TASOR2: variants seen among roughly 807,000 people sequenced by gnomAD.
TASOR2 encodes transcription activation suppressor family member 2, also known as protein TASOR 2.
In TASOR2, 84 loss-of-function variants were observed where a neutral mutation model predicts 199.5. That is an observed-to-expected ratio of 0.42 (90% CI 0.35 to 0.50). The LOEUF is 0.50. Ranked by LOEUF, TASOR2 falls within the 20% of genes least tolerant of loss-of-function variation. The pLI, the probability that TASOR2 is intolerant of heterozygous loss-of-function variation, is 0.02. For missense variants in TASOR2, 2,796 were observed against 2,835.9 expected, an observed-to-expected ratio of 0.99 and a Z score of 0.32; for synonymous variants, 1,103 against 1,046.6, an observed-to-expected ratio of 1.05 and a Z score of -1.04.
In TASOR2 at chr10:5,748,226, A is replaced by G. The variant is rs376161146; in HGVS notation, c.4805A>G (p.Asn1602Ser). Residue 1602 changes from asparagine to serine, a missense_variant, in exon 15 of 21, where the codon AAT (asparagine) becomes AGT (serine). Transcript: ENST00000328090. The surrounding 1 kb of genome is among the most constrained non-coding windows in gnomAD (Gnocchi z 5.1). The stretch of plus-strand genomic sequence containing the variant: ...ACAACTGCACCAAGTGGTATAGTGA[A>G]TGTGTCAGTAAAACAGCAGACTAGC... 1.7e-5 allele frequency: 28 copies of G among 1,614,096 alleles called. No individual in the cohort carries two copies. The highest frequency in any genetic ancestry group is 2.3e-5 in the Non-Finnish European group (27 of 1,180,048).
chr10:5,715,662 G>C (rs137950849), intron 2 of TASOR2, among the ~76,000 whole-genome samples: 3 of 151,730 alleles, frequency 2.0e-5, no homozygotes, highest in East Asian at 1.9e-4. Flanking sequence ...TTGGTGGCGG[G>C]GTACGGAGTT....
exon 15 of TASOR2, chr10:5,747,784 T>C (rs765803920): frequency 1.2e-6 from 2 of 1,613,996 alleles, no homozygotes; most frequent in Non-Finnish European, 1.7e-6. Context: ...AGAAAATGTT[T>C]TTGTTGGTCC....
intron 3 of TASOR2, 88 bp downstream of exon 4, chr10:5,717,838 T>C (rs2275772): frequency 0.045 from 21,307 of 472,406 alleles, 3,145 homozygotes; most frequent in East Asian, 0.44. Context: ...TAGTTGAACA[T>C]AGTTCTCACC....
chr10:5,698,279 G>C lies in TASOR2; in HGVS notation c.-288+13104G>C, dbSNP rs1490151024. ...GTCTCTGCTAGCTCATTGGTTGAGG[G>C]AAGATGAGAGATAGGAGAGTGAGGG... On this transcript the variant is annotated intron_variant, in intron 1 of 20. Coordinates refer to ENST00000328090, the Ensembl canonical transcript of TASOR2. This position sits in a 1 kb window ranked among gnomAD's most constrained non-coding sequence, Gnocchi z 4.4. 6.6e-6 allele frequency among the ~76,000 whole-genome samples: 1 copy of C among 152,202 alleles called. No homozygotes were observed. The highest frequency in any genetic ancestry group is 1.5e-5 in the Non-Finnish European group (1 of 68,034).
rs1326751469 is a variant in TASOR2, at chr10:5,742,209, G to A, written c.2440G>A (p.Val814Ile). ...CAAAATCATACGATCTTCCCGAAAG[G>A]TTGTAGAACACAGCAACCCAGCAAA... is the stretch of plus-strand genomic sequence containing the variant. Residue 814 changes from valine (V) to isoleucine (I), a missense_variant, in exon 14 of 21, where the codon GTT becomes ATT. By Grantham distance (29) the Val-to-Ile change is conservative (BLOSUM62 3). Coordinates refer to ENST00000328090, the Ensembl canonical transcript of TASOR2. The surrounding 1 kb of genome is among the most constrained non-coding windows in gnomAD (Gnocchi z 4.2). 2 of 1,614,016 alleles carry A rather than the reference G, an allele frequency of 1.2e-6. No individual in the cohort carries two copies. Among genetic ancestry groups the A allele is most frequent in the Admixed American group, 3.3e-5 (2 of 59,998 alleles).
In TASOR2 at chr10:5,710,238, G is replaced by A. The variant is rs1271485298; in HGVS notation, c.-287-2585G>A. Among the ~76,000 whole-genome samples, 1 of 152,108 alleles carries A rather than the reference G, an allele frequency of 6.6e-6. No individual in the cohort carries two copies. Among genetic ancestry groups the A allele is most frequent in the Non-Finnish European group, 1.5e-5 (1 of 67,974 alleles). ...AGGAAACTTGTGCTTTCTTGAGAGT[G>A]TAATTGATGTCATTATGAACCCATG... On this transcript the variant is annotated intron_variant, in intron 1 of 20. Coordinates refer to ENST00000328090, the Ensembl canonical transcript of TASOR2. This position sits in a 1 kb window ranked among gnomAD's most constrained non-coding sequence, Gnocchi z 4.6.
intron 14 of TASOR2, among the ~76,000 whole-genome samples, chr10:5,744,448 G>A (rs371096348): frequency 3.9e-5 from 6 of 152,144 alleles, no homozygotes; most frequent in East Asian, 3.9e-4. Context: ...GATTATAGGC[G>A]CCTGCCACCA....
chr10:5,749,303 C>G, exon 15 of TASOR2: 2 of 1,614,246 alleles, frequency 1.2e-6, no homozygotes, highest in Non-Finnish European at 1.7e-6. Context: ...AGCTCCTGGA[C>G]AAGCACTTGG....
chr10:5,736,261 A>T (rs1295461305), intron 12 of TASOR2, among the ~76,000 whole-genome samples: 8 of 152,184 alleles, frequency 5.3e-5, no homozygotes, highest in Non-Finnish European at 1.5e-5. Context: ...TCTACTAAAA[A>T]TACAAAATTA....
chr10:5,741,515 C>T (rs1474449244), intron 13 of TASOR2, among the ~76,000 whole-genome samples: 3 of 152,198 alleles, frequency 2.0e-5, no homozygotes, highest in African/African-American at 7.2e-5. Flanking sequence ...TATGGTACTC[C>T]AGCGATCTGC....
chr10:5,759,131 T>C, intron 18 of TASOR2, 139 bp downstream of exon 19: 1 of 629,218 alleles, frequency 1.6e-6, no homozygotes, highest in Non-Finnish European at 2.8e-6. Context: ...TGGCTCTGTA[T>C]TCAATGAAGG....
exon 15 of TASOR2, chr10:5,746,303 A>C (rs1418960145): frequency 3.7e-6 from 6 of 1,614,210 alleles, no homozygotes; most frequent in Non-Finnish European, 5.1e-6. Context: ...CAGCCACTGG[A>C]TAGCACAAGA....
intron 10 of TASOR2, among the ~76,000 whole-genome samples, chr10:5,729,858 CA>C (rs966538445): frequency 7.0e-6 from 1 of 143,838 alleles, no homozygotes; most frequent in Non-Finnish European, 1.5e-5. Context: ...TATTCATTTT[CA>C]AAAAAAAGGA....
intron 1 of TASOR2, among the ~76,000 whole-genome samples, chr10:5,688,712 A>G (rs1046535352): frequency 6.6e-6 from 1 of 151,930 alleles, no homozygotes; most frequent in Non-Finnish European, 1.5e-5. Flanking sequence ...TCATTATATA[A>G]TTTCAGAAAA....
At chr10:5,695,422 C>T (rs9423937) in intron 1 of TASOR2, among the ~76,000 whole-genome samples, 151,519 of 152,336 alleles carry the variant, frequency 0.99, 75,359 homozygotes, top group Non-Finnish European at 1. Context: ...TATACACTAA[C>T]AGCTAATTAT....
In TASOR2 at chr10:5,750,025, A is replaced by G. The variant is rs1420212085; in HGVS notation, c.6604A>G (p.Lys2202Glu). The G allele has an allele frequency of 1.3e-6, 2 of 1,590,306 alleles. No homozygotes were observed. The highest frequency in any genetic ancestry group is 2.7e-5 in the African/African-American group (2 of 74,030). The change falls in exon 15 of 21, where the codon AAG becomes GAG. Residue 2202 changes from lysine (K) to glutamate (E), a missense_variant and splice_region_variant. Lys to Glu is a moderately conservative substitution (Grantham distance 56). Around this residue, in one of 3 missense-constraint regions of TASOR2, gnomAD observed 1,941 missense variants for 1,924.9 expected, o/e 1.01. Transcript: ENST00000328090. This position sits in a 1 kb window ranked among gnomAD's most constrained non-coding sequence, Gnocchi z 5.4. Reference sequence around the variant, plus strand: ...AGACAAATCATTCTTTGTAAGAACAAAGGTAAAGTGCCAGCCACGTCTTAC... The same window carrying G: ...AGACAAATCATTCTTTGTAAGAACAGAGGTAAAGTGCCAGCCACGTCTTAC...
At chr10:5,714,273 A>G (rs1832315663) in intron 2 of TASOR2, 66 bp downstream of exon 3, 2 of 1,000,822 alleles carry the variant, frequency 2.0e-6, no homozygotes, top group Non-Finnish European at 1.3e-6. Flanking sequence ...GTGAGGTTTC[A>G]TTAGTTTTAT....
rs558474007 is a variant in TASOR2, at chr10:5,750,573, C to T, written c.6606+546C>T. On this transcript the variant is annotated intron_variant, in intron 15 of 20. Coordinates refer to ENST00000328090, the Ensembl canonical transcript of TASOR2. The surrounding 1 kb of genome is among the most constrained non-coding windows in gnomAD (Gnocchi z 5.4). ...CCATTAACTTCATTGTTTTATCCTCCCAGAATTTATTTCTCTTCTATTTCG... is the reference window on the plus strand; with the variant it reads ...CCATTAACTTCATTGTTTTATCCTCTCAGAATTTATTTCTCTTCTATTTCG... 1.3e-5 allele frequency among the ~76,000 whole-genome samples: 2 copies of T among 152,264 alleles called. No homozygotes were observed. The highest frequency in any genetic ancestry group is 4.8e-5 in the African/African-American group (2 of 41,548).
exon 15 of TASOR2, chr10:5,747,370 C>A (rs770548009): frequency 1.9e-6 from 3 of 1,614,090 alleles, no homozygotes; most frequent in Admixed American, 3.3e-5. Context: ...TTTAGAACTT[C>A]AGGATGTAGC....
Sources: gnomAD v4.1 joint callset for allele counts (sites outside exome capture counted in the v4.1 genomes callset) on GRCh38, gnomAD v4.1.1 for gene constraint, gnomAD v4.1.1 regional missense constraint, Gnocchi (gnomAD v3.1) non-coding constraint, MANE v1.5 for transcripts, NCBI Gene and HGNC (gene_info 2026-07-23, HGNC 2026-07-21) for gene names.